HECTD4: variants seen among roughly 807,000 people sequenced by gnomAD.
HECTD4 encodes HECT domain E3 ubiquitin protein ligase 4, also known as probable E3 ubiquitin-protein ligase HECTD4.
Under a neutral mutation model 471.5 loss-of-function variants are expected in HECTD4, and 114 were observed. The observed-to-expected ratio is 0.24, with a 90% CI of 0.21 to 0.28. The LOEUF is 0.28. Ranked by LOEUF, HECTD4 falls within the 10% of genes least tolerant of loss-of-function variation. The pLI, the probability that HECTD4 is intolerant of heterozygous loss-of-function variation, is 1.00. For synonymous variants in HECTD4, 2,012 were observed against 2,256.0 expected, an observed-to-expected ratio of 0.89 and a Z score of 3.07; for missense variants, 3,866 against 5,651.5, an observed-to-expected ratio of 0.68 and a Z score of 10.13.
chr12:112,176,531 G>T lies in HECTD4; in HGVS notation c.11470+65C>A, dbSNP rs1227286519. Reference sequence around the variant, plus strand: ...GGAAAAGCAGAGGCCTGCTCCTCGGGGGGTGCCTAGTCTCCAGGATGGAAG... The same window carrying T: ...GGAAAAGCAGAGGCCTGCTCCTCGGTGGGTGCCTAGTCTCCAGGATGGAAG... On this transcript the variant is annotated intron_variant, in intron 65 of 75. Transcript: ENST00000682272. The T allele has an allele frequency of 1.1e-5, 13 of 1,131,104 alleles. No individual in the cohort carries two copies. In the Admixed American group the frequency reaches 1.6e-4, roughly 14 times the overall value. The allele number at this position is 1,131,104 out of a possible 1,614,324, so 70.1% of individuals were successfully genotyped here.
intron 49 of HECTD4, among the ~76,000 whole-genome samples, chr12:112,211,336 C>T (rs898218493): frequency 7.9e-5 from 12 of 152,094 alleles, no homozygotes; most frequent in Non-Finnish European, 1.6e-4. Flanking sequence ...CCAACTCAGC[C>T]TCCAGAGCAG....
Position 112,264,054 on chromosome 12 carries a change from C to T in HECTD4, c.2748+30G>A, listed in dbSNP as rs370116212. On this transcript the variant is annotated intron_variant, in intron 17 of 75. Transcript: ENST00000682272. The stretch of plus-strand genomic sequence containing the variant: ...AAGCTGCTTTTCACACTGGGTAGAA[C>T]GCATCGTTAAAATAAAGCTTGGTGT... 5.1e-5 allele frequency: 81 copies of T among 1,596,720 alleles called. 1 individual carries two copies. The highest frequency in any genetic ancestry group is 1.6e-4 in the South Asian group (14 of 87,096).
At chr12:112,280,139 G>A (rs973544875) in intron 8 of HECTD4, among the ~76,000 whole-genome samples, 10 of 151,890 alleles carry the variant, frequency 6.6e-5, no homozygotes, top group Admixed American at 2.6e-4. Context: ...ACATGAAATC[G>A]GCCAAAATTT....
intron 1 of HECTD4, among the ~76,000 whole-genome samples, chr12:112,325,781 T>G (rs958991177): frequency 1.3e-5 from 2 of 152,096 alleles, no homozygotes; most frequent in African/African-American, 4.8e-5. Context: ...TGTATTTTTT[T>G]TAATCACACA....
chr12:112,192,388 A>C (rs1342633485), intron 59 of HECTD4, among the ~76,000 whole-genome samples, 172 bp downstream of exon 59: 1 of 152,216 alleles, frequency 6.6e-6, no homozygotes, highest in Non-Finnish European at 1.5e-5. Context: ...AAGTCTTTTA[A>C]TTTACTGCCT....
intron 1 of HECTD4, among the ~76,000 whole-genome samples, chr12:112,356,666 G>A (rs550439863): frequency 2.0e-5 from 3 of 152,198 alleles, no homozygotes; most frequent in East Asian, 3.9e-4. Context: ...TCAAACTCCT[G>A]GGCTCAAGTG....
At chr12:112,189,070 A>G (rs2031985118) in intron 60 of HECTD4, among the ~76,000 whole-genome samples, 1 of 152,098 alleles carries the variant, frequency 6.6e-6, no homozygotes, top group Non-Finnish European at 1.5e-5. Context: ...GGGTCTGGCT[A>G]TGTTGCTCCA....
At chr12:112,203,850 G>A in intron 53 of HECTD4, 78 bp from the exon 54 acceptor site, 1 of 772,712 alleles carries the variant, frequency 1.3e-6, no homozygotes, top group Non-Finnish European at 2.0e-6. Flanking sequence ...ATCTAAAATA[G>A]CTCTCCAGAT....
chr12:112,308,901 GA>G lies in HECTD4; in HGVS notation c.1026-11del. 1 of 1,535,456 alleles carries G rather than the reference GA, an allele frequency of 6.5e-7. No homozygotes were observed. Among genetic ancestry groups the G allele is most frequent in the Non-Finnish European group, 8.7e-7 (1 of 1,146,684 alleles). On this transcript the variant is annotated splice_polypyrimidine_tract_variant and intron_variant, in intron 5 of 75. Transcript: ENST00000682272. Reference sequence around the variant, plus strand: ...GCAGTACACAAAACCTCTGTGGAATGAAATGGAGCACAGGCTGAATCACCTG... The same window carrying G: ...GCAGTACACAAAACCTCTGTGGAATGAATGGAGCACAGGCTGAATCACCTG...
At chr12:112,229,976 G>A (rs1361984394) in intron 40 of HECTD4, 96 bp from the exon 41 acceptor site, 5 of 1,147,084 alleles carry the variant, frequency 4.4e-6, no homozygotes, top group Non-Finnish European at 2.4e-6. Flanking sequence ...TGGGTCCCAT[G>A]TATTGAAGGA....
chr12:112,281,590 T>C (rs1217756951), intron 8 of HECTD4, among the ~76,000 whole-genome samples: 3 of 152,188 alleles, frequency 2.0e-5, no homozygotes, highest in East Asian at 1.9e-4. Flanking sequence ...TCTTCTACAG[T>C]TGGAATTATC....
In HECTD4 at chr12:112,228,368, A is replaced by T. The variant is rs888821332; in HGVS notation, c.6685-110T>A. 8.3e-7 allele frequency: 1 copy of T among 1,205,356 alleles called. No individual in the cohort carries two copies. The highest frequency in any genetic ancestry group is 1.1e-6 in the Non-Finnish European group (1 of 908,204). 74.7% of individuals were successfully genotyped at this position (1,205,356 alleles called of 1,614,324 possible). ...TAATTCTTAAATTTTCAGTTAAAAA[A>T]ATAAAATCACCATACAGAAAACTAC... On this transcript the variant is annotated intron_variant, in intron 42 of 75. Transcript: ENST00000682272. This position sits in a 1 kb window ranked among gnomAD's most constrained non-coding sequence, Gnocchi z 4.9.
At chr12:112,288,024 T>C (rs962152198) in intron 7 of HECTD4, among the ~76,000 whole-genome samples, 3 of 151,832 alleles carry the variant, frequency 2.0e-5, no homozygotes, top group East Asian at 3.9e-4. Flanking sequence ...TTTTTTTTTT[T>C]CTACATTAGA....
chr12:112,332,149 T>TAA (rs1411961946), intron 1 of HECTD4, among the ~76,000 whole-genome samples: 1 of 151,684 alleles, frequency 6.6e-6, no homozygotes, highest in Non-Finnish European at 1.5e-5. Flanking sequence ...AATAGGAAGT[T>TAA]ACTGGTATGC....
intron 66 of HECTD4, 99 bp from the exon 67 acceptor site, chr12:112,172,960 C>A (rs1022159487): frequency 1.9e-6 from 2 of 1,059,540 alleles, no homozygotes; most frequent in Non-Finnish European, 2.8e-6. Flanking sequence ...GCTCCTGGAG[C>A]ACATTCAGAA....
At chr12:112,178,872 G>C in intron 64 of HECTD4, 59 bp downstream of exon 64, 1 of 1,538,410 alleles carries the variant, frequency 6.5e-7, no homozygotes, top group South Asian at 1.2e-5. Flanking sequence ...GCTCCTGCTC[G>C]GAGGCCTCCC....
At chr12:112,374,871 A>G (rs1420434917) in intron 1 of HECTD4, among the ~76,000 whole-genome samples, 3 of 152,230 alleles carry the variant, frequency 2.0e-5, no homozygotes, top group Non-Finnish European at 4.4e-5. Context: ...ACAAAATAAT[A>G]AACAAAAACC....
chr12:112,358,717 T>C (rs567092094), intron 1 of HECTD4, among the ~76,000 whole-genome samples: 9 of 152,026 alleles, frequency 5.9e-5, no homozygotes, highest in African/African-American at 2.2e-4. Context: ...TCAAGAAAAT[T>C]TAGAGGAGAT....
chr12:112,203,569 G>T, intron 54 of HECTD4, 67 bp downstream of exon 54: 1 of 1,319,090 alleles, frequency 7.6e-7, no homozygotes. Flanking sequence ...AAGGTACCTG[G>T]GAATCTGGGT....
Sources: allele counts gnomAD v4.1 joint callset (sites outside exome capture counted in the v4.1 genomes callset), GRCh38; gene constraint gnomAD v4.1.1; non-coding constraint Gnocchi (gnomAD v3.1); transcripts MANE v1.5; gene names NCBI Gene and HGNC (gene_info 2026-07-23, HGNC 2026-07-21).